The following PLA2R1 variants were observed in gnomAD, a reference collection of about 807,000 sequenced individuals.
PLA2R1 encodes secretory phospholipase A2 receptor.
A neutral mutation model predicts 195.9 loss-of-function variants in PLA2R1; 158 were observed. The observed-to-expected ratio is 0.81, with a 90% CI of 0.71 to 0.92. The LOEUF is 0.92. PLA2R1 is among the 40% of genes least tolerant of loss of function. PLA2R1 has a pLI of 0.00. For missense variants in PLA2R1, 1,626 were observed against 1,764.6 expected, an observed-to-expected ratio of 0.92 and a Z score of 1.41; for synonymous variants, 586 against 598.2, an observed-to-expected ratio of 0.98 and a Z score of 0.30.
At chr2:160,050,111 A>C (rs374097894) in intron 1 of PLA2R1, among the ~76,000 whole-genome samples, 1 of 152,268 alleles carries the variant, frequency 6.6e-6, no homozygotes, top group South Asian at 2.1e-4. Context: ...CCAGAACTTA[A>C]AACAAAATAA....
chr2:160,020,212 G>GA lies in PLA2R1; in HGVS notation c.1345dup (p.Ser449PhefsTer3), dbSNP rs1324870382. 6.2e-7 allele frequency: 1 copy of GA among 1,611,620 alleles called. No homozygotes were observed. The highest frequency in any genetic ancestry group is 2.2e-5 in the East Asian group (1 of 44,882). ...TGAAGAGTCATTAGACCATTCAAAG[G>GA]AAACTGGAATTTTATTGCTGCTCAA... On this transcript the variant is annotated frameshift_variant, in exon 8 of 30. Transcript: ENST00000283243. LOFTEE classifies it high-confidence loss of function.
chr2:159,969,354 C>T lies in PLA2R1; in HGVS notation c.2666G>A (p.Arg889Lys). The T allele has an allele frequency of 6.4e-7, 1 of 1,573,102 alleles. No homozygotes were observed. Among genetic ancestry groups the T allele is most frequent in the Non-Finnish European group, 8.7e-7 (1 of 1,143,470 alleles). ...CTGGTATATCACTGGTGTTCCATCTCTCCAGCTGTGGGAAGATTAAAAATG... is the reference window on the plus strand; with the variant it reads ...CTGGTATATCACTGGTGTTCCATCTTTCCAGCTGTGGGAAGATTAAAAATG... ...EERANDEFRW[R>K]DGTPVIYQNW... The change falls in exon 19 of 30, where the codon AGA becomes AAA. Residue 889 changes from arginine (R) to lysine (K), a missense_variant. Transcript: ENST00000283243.
the PLA2R1 span, among the ~76,000 whole-genome samples, chr2:159,926,303 C>T: frequency 3.9e-5 from 6 of 152,034 alleles, no homozygotes; most frequent in South Asian, 1.0e-3. Flanking sequence ...TTTGGAAAGG[C>T]GATAAATGAC....
chr2:160,040,628 G>A (rs562896699), intron 3 of PLA2R1, among the ~76,000 whole-genome samples: 1 of 152,234 alleles, frequency 6.6e-6, no homozygotes, highest in African/African-American at 2.4e-5. Flanking sequence ...AGGGCATTGT[G>A]TCAAATACAG....
chr2:159,985,809 C>T (rs1051584675), intron 12 of PLA2R1, among the ~76,000 whole-genome samples: 1 of 152,118 alleles, frequency 6.6e-6, no homozygotes, highest in African/African-American at 2.4e-5. Flanking sequence ...TGCAGGAGGA[C>T]AGGTCCCCAG....
chr2:160,005,435 A>AAAACAAAC (rs61323503), intron 11 of PLA2R1, among the ~76,000 whole-genome samples: 12 of 151,390 alleles, frequency 7.9e-5, no homozygotes, highest in African/African-American at 7.3e-5. Context: ...ACCTCGTCTC[A>AAAACAAAC]AAACAAACAA....
At chr2:159,995,948 C>T (rs1691180387) in intron 11 of PLA2R1, among the ~76,000 whole-genome samples, 1 of 152,004 alleles carries the variant, frequency 6.6e-6, no homozygotes, top group Non-Finnish European at 1.5e-5. Flanking sequence ...CTTGCATCAT[C>T]CCTGTCACTC....
At position 159,955,637 on chromosome 2, in the gene PLA2R1, A is replaced by G. The variant is rs577651431; in HGVS notation, c.3153+61T>C. 4 of 931,028 alleles carry G rather than the reference A, an allele frequency of 4.3e-6. No individual in the cohort carries two copies. In the African/African-American group the frequency reaches 5.1e-5, roughly 12 times the overall value. 57.7% of individuals were successfully genotyped at this position (931,028 alleles called of 1,614,324 possible). ...TAGGAAATAAAAAAAGCTTTAGTAA[A>G]CAAATCTTGAATAAAATATCTTGCC... On this transcript the variant is annotated intron_variant, in intron 22 of 29. Coordinates refer to ENST00000283243, the MANE Select transcript of PLA2R1 (RefSeq NM_007366.5).
chr2:159,976,823 A>G (rs1444865963), intron 15 of PLA2R1, 103 bp from the exon 16 acceptor site: 1 of 860,574 alleles, frequency 1.2e-6, no homozygotes, highest in Non-Finnish European at 2.0e-6. Context: ...TCATCTTTTA[A>G]AACATCACTT....
Position 159,951,506 on chromosome 2 carries a change from G to T in PLA2R1, c.3374C>A (p.Thr1125Asn). 1 of 1,609,608 alleles carries T rather than the reference G, an allele frequency of 6.2e-7. No homozygotes were observed. The change falls in exon 24 of 30, where the codon ACT (threonine) becomes AAT (asparagine). Residue 1125 changes from threonine to asparagine, a missense_variant. Physicochemically the swap from Thr to Asn is moderately conservative, Grantham distance 65 (BLOSUM62 0). Coordinates refer to ENST00000283243, the MANE Select transcript of PLA2R1 (RefSeq NM_007366.5). ...CATATTTGCATTAATTATTTTGTAA[G>T]TTCTGTTTCCATATTCTAAGGTATT... The part of the protein sequence containing the change: ...MPNTLEYGNR[T>N]YKIINANMTW...
Position 159,935,842 on chromosome 2 carries a change from T to C in PLA2R1, c.*5936A>G, listed in dbSNP as rs1393153088. 6.6e-6 allele frequency: 1 copy of C among 151,928 alleles called. No individual in the cohort carries two copies. Among genetic ancestry groups the C allele is most frequent in the Non-Finnish European group, 1.5e-5 (1 of 67,996 alleles). The allele number at this position is 151,928 out of a possible 1,614,324, so 9.4% of individuals were successfully genotyped here. On this transcript the variant is annotated 3_prime_UTR_variant, in exon 30 of 30. Coordinates refer to ENST00000283243, the MANE Select transcript of PLA2R1 (RefSeq NM_007366.5). ...TTCAATCTTGTATTTCCATTCCAAC[T>C]CCCCCACAGAATTTTATCCTAATGA...
At chr2:160,039,780 G>A (rs1694406263) in intron 3 of PLA2R1, among the ~76,000 whole-genome samples, 1 of 151,988 alleles carries the variant, frequency 6.6e-6, no homozygotes, top group African/African-American at 2.4e-5. Context: ...AATCTGGCAG[G>A]CTGTCAAGCA....
chr2:160,045,667 T>C (rs751688149), intron 1 of PLA2R1, among the ~76,000 whole-genome samples: 6 of 152,212 alleles, frequency 3.9e-5, no homozygotes, highest in Non-Finnish European at 5.9e-5. Flanking sequence ...AGTGAAATGC[T>C]GCTTTGTGAT....
At chr2:160,011,797 GTT>G (rs1692379525) in intron 10 of PLA2R1, among the ~76,000 whole-genome samples, 1 of 152,158 alleles carries the variant, frequency 6.6e-6, no homozygotes, top group African/African-American at 2.4e-5. Flanking sequence ...TCTTCTGCCT[GTT>G]AGCCAAACCT....
intron 9 of PLA2R1, among the ~76,000 whole-genome samples, chr2:160,015,485 G>A (rs1692671448): frequency 6.6e-6 from 1 of 152,186 alleles, no homozygotes; most frequent in South Asian, 2.1e-4. Context: ...CTGGAAAAGG[G>A]AAGCCATGAA....
At chr2:160,046,379 G>A (rs937530934) in intron 1 of PLA2R1, among the ~76,000 whole-genome samples, 1 of 152,200 alleles carries the variant, frequency 6.6e-6, no homozygotes, top group African/African-American at 2.4e-5. Flanking sequence ...TCCCTCCAAT[G>A]TCTGGGGTTT....
At chr2:159,974,909 T>C (rs1440793429) in intron 17 of PLA2R1, among the ~76,000 whole-genome samples, 1 of 152,184 alleles carries the variant, frequency 6.6e-6, no homozygotes, top group Non-Finnish European at 1.5e-5. Context: ...AGACATTTCT[T>C]TCTCAAGCCT....
intron 10 of PLA2R1, among the ~76,000 whole-genome samples, chr2:160,008,525 T>C (rs939381654): frequency 1.3e-5 from 2 of 152,132 alleles, no homozygotes; most frequent in African/African-American, 4.8e-5. Context: ...ACCCTTACCT[T>C]ATACTATGCA....
At chr2:159,980,794 A>G (rs1471403120) in intron 13 of PLA2R1, among the ~76,000 whole-genome samples, 1 of 152,230 alleles carries the variant, frequency 6.6e-6, no homozygotes, top group African/African-American at 2.4e-5. Context: ...AAGATTTAAA[A>G]TATTCAGATG....
Sources: allele counts gnomAD v4.1 joint callset (sites outside exome capture counted in the v4.1 genomes callset), GRCh38; gene constraint gnomAD v4.1.1; transcripts MANE v1.5; gene names NCBI Gene and HGNC (gene_info 2026-07-23, HGNC 2026-07-21).